The following ZNF469 variants were observed in gnomAD, a reference collection of about 807,000 sequenced individuals.
The protein encoded by ZNF469 is zinc finger protein 469.
ZNF469 carries 1 observed loss-of-function variant against 1.0 expected under a neutral mutation model. The ratio of observed to expected loss-of-function variants is 1.00; its 90% CI spans 0.35 to 4.73. ZNF469 has a LOEUF of 4.73. Ranked by LOEUF, ZNF469 falls within the 30% of genes most tolerant of loss-of-function variation. The probability of loss-of-function intolerance (pLI) is 0.16; values close to 1 mark genes in which losing one functional copy is unlikely to be tolerated. For synonymous variants in ZNF469, 2,703 were observed against 2,363.4 expected (o/e 1.14, Z -4.17); for missense variants, 6,100 against 5,356.3 (o/e 1.14, Z -4.33).
At chr16:88,381,860 A>G (rs1428494501), upstream of ZNF469, among the ~76,000 whole-genome samples, 17 of 152,248 alleles carry the variant, frequency 1.1e-4, no homozygotes, top group Admixed American at 5.9e-4. Flanking sequence ...GAGGCAGACC[A>G]GATTGGGGGA....
At chr16:88,208,801 ACACTCTCTCT>A in the ZNF469 span, among the ~76,000 whole-genome samples, 6 of 20,174 alleles carry the variant, frequency 3.0e-4, no homozygotes, top group Admixed American at 6.9e-4. Flanking sequence ...ACACACACAC[ACACTCTCTCT>A]CTCTCTCTCT....
Position 88,432,584 on chromosome 16 carries a change from C to T in ZNF469, c.5114C>T (p.Thr1705Ile), listed in dbSNP as rs768667107. Reference protein sequence around the residue: ...QPVQKAGASKTGLCQAEGDSR... With the variant: ...QPVQKAGASKIGLCQAEGDSR... ...GTGCAGAAAGCCGGAGCCTCCAAGA[C>T]TGGACTTTGCCAGGCAGAAGGAGAC... The change falls in exon 3 of 3, where the codon ACT (threonine) becomes ATT (isoleucine). Residue 1705 changes from threonine (T) to isoleucine (I), a missense_variant. Thr to Ile is a moderately conservative substitution (Grantham distance 89, BLOSUM62 -1). Coordinates refer to ENST00000565624, the MANE Select transcript of ZNF469 (RefSeq NM_001367624.2). The T allele has an allele frequency of 6.5e-6, 10 of 1,550,346 alleles. No homozygotes were observed. The Admixed American group carries it at 2.0e-4, about 30-fold the overall frequency.
the ZNF469 span, among the ~76,000 whole-genome samples, chr16:88,149,261 T>G: frequency 1.3e-5 from 2 of 152,204 alleles, no homozygotes; most frequent in African/African-American, 4.8e-5. Context: ...ACAGGCCACA[T>G]GGGAGACCTC....
the ZNF469 span, among the ~76,000 whole-genome samples, chr16:88,145,287 A>AAC: frequency 2.6e-5 from 4 of 152,218 alleles, no homozygotes; most frequent in Non-Finnish European, 4.4e-5. Flanking sequence ...GAGCATTTCA[A>AAC]ACACACACAC....
At chr16:88,122,091 A>ATG in the ZNF469 span, among the ~76,000 whole-genome samples, 2,812 of 133,464 alleles carry the variant, frequency 0.021, 60 homozygotes, top group Non-Finnish European at 0.035. Flanking sequence ...CGGCCTCGGC[A>ATG]GCCCCTCGGA....
the ZNF469 span, among the ~76,000 whole-genome samples, chr16:88,348,562 G>C: frequency 1.3e-5 from 2 of 152,206 alleles, no homozygotes; most frequent in Admixed American, 6.5e-5. Context: ...TTGCCCACAC[G>C]GGGGAGCTGT....
the ZNF469 span, among the ~76,000 whole-genome samples, chr16:88,119,484 C>T: frequency 6.6e-6 from 1 of 152,208 alleles, no homozygotes; most frequent in Non-Finnish European, 1.5e-5. Flanking sequence ...ACCAATTTTC[C>T]TTCCAAGCCA....
chr16:88,351,572 T>C, the ZNF469 span, among the ~76,000 whole-genome samples: 1 of 152,104 alleles, frequency 6.6e-6, no homozygotes, highest in East Asian at 1.9e-4. Context: ...GATGTCCCCG[T>C]GTCCTCCGCG....
chr16:88,267,118 A>G, the ZNF469 span, among the ~76,000 whole-genome samples: 2 of 151,996 alleles, frequency 1.3e-5, no homozygotes, highest in African/African-American at 2.4e-5. Flanking sequence ...TGCGGCTCAC[A>G]CTGGCTGGCG....
chr16:88,120,465 C>T, the ZNF469 span, among the ~76,000 whole-genome samples: 5 of 152,266 alleles, frequency 3.3e-5, no homozygotes, highest in Non-Finnish European at 5.9e-5. Flanking sequence ...CGCCCCACCT[C>T]GGAGAACACA....
intron 1 of ZNF469, among the ~76,000 whole-genome samples, chr16:88,417,975 C>G (rs1905349753): frequency 1.3e-5 from 2 of 152,218 alleles, no homozygotes; most frequent in South Asian, 4.1e-4. Context: ...CGTGTGTGCT[C>G]ACAGGGAAGG....
chr16:88,312,786 TG>T, the ZNF469 span, among the ~76,000 whole-genome samples: 1 of 152,252 alleles, frequency 6.6e-6, no homozygotes. Context: ...GCGTCTGCCT[TG>T]TTCCACTGAT....
the ZNF469 span, among the ~76,000 whole-genome samples, chr16:88,200,854 G>A: frequency 2.0e-4 from 30 of 152,334 alleles, no homozygotes; most frequent in Non-Finnish European, 1.6e-4. Flanking sequence ...AGGGGTCCCC[G>A]CCCTCCCACT....
chr16:88,114,591 G>A, the ZNF469 span, among the ~76,000 whole-genome samples: 13 of 152,204 alleles, frequency 8.5e-5, no homozygotes, highest in African/African-American at 1.2e-4. Flanking sequence ...TGGGGTAGAC[G>A]GAGCCGTGGT....
the ZNF469 span, among the ~76,000 whole-genome samples, chr16:88,221,570 C>G: frequency 6.6e-6 from 1 of 152,216 alleles, no homozygotes; most frequent in South Asian, 2.1e-4. Flanking sequence ...CTCCTTGCCC[C>G]GGCTGCGGGC....
intron 1 of ZNF469, among the ~76,000 whole-genome samples, chr16:88,396,742 CA>C (rs1599348001): frequency 9.2e-5 from 13 of 140,612 alleles, no homozygotes; most frequent in East Asian, 2.2e-4. Context: ...AGGAGACCCT[CA>C]TAAAGGGAGG....
At chr16:88,102,689 C>T in the ZNF469 span, among the ~76,000 whole-genome samples, 1 of 152,178 alleles carries the variant, frequency 6.6e-6, no homozygotes, top group African/African-American at 2.4e-5. Flanking sequence ...TCCCAGACTT[C>T]AAGGAGTGTT....
chr16:88,364,985 G>C, the ZNF469 span, among the ~76,000 whole-genome samples: 550 of 152,208 alleles, frequency 3.6e-3, no homozygotes, highest in Non-Finnish European at 5.9e-3. Flanking sequence ...AAATAAATGA[G>C]TGAATAAAAA....
chr16:88,163,487 AGGATGGATGAATGGAT>A, the ZNF469 span, among the ~76,000 whole-genome samples: 17,688 of 138,946 alleles, frequency 0.13, 1,298 homozygotes, highest in Non-Finnish European at 0.18. Flanking sequence ...TGGACAGAGA[AGGATGGATGAATGGAT>A]GGATGGATGG....
Sources: allele counts gnomAD v4.1 joint callset (sites outside exome capture counted in the v4.1 genomes callset), GRCh38; gene constraint gnomAD v4.1.1; transcripts MANE v1.5; gene names NCBI Gene and HGNC (gene_info 2026-07-23, HGNC 2026-07-21).